The following ATXN1 variants were observed in gnomAD, a reference collection of about 807,000 sequenced individuals.
The protein encoded by ATXN1 is ataxin-1.
A neutral mutation model predicts 56.4 loss-of-function variants in ATXN1; 8 were observed. That is an observed-to-expected ratio of 0.14 (90% CI 0.08 to 0.26). The LOEUF (loss-of-function observed/expected upper bound fraction) is 0.26. Among genes scored for constraint, ATXN1 ranks in the 10% least tolerant of loss-of-function variants. The pLI is 1.00. For synonymous variants in ATXN1, 514 were observed against 494.6 expected (o/e 1.04, Z -0.52); for missense variants, 987 against 1,106.5 (o/e 0.89, Z 1.53).
chr6:16,321,180 A>G (rs1192227476), intron 7 of ATXN1, among the ~76,000 whole-genome samples: 1 of 152,112 alleles, frequency 6.6e-6, no homozygotes, highest in East Asian at 1.9e-4. Flanking sequence ...CTTCCTACCC[A>G]AGGAGGAGGT....
At chr6:16,416,106 A>AAC (rs1758901178) in intron 6 of ATXN1, among the ~76,000 whole-genome samples, 1 of 151,978 alleles carries the variant, frequency 6.6e-6, no homozygotes, top group Non-Finnish European at 1.5e-5. Context: ...AAAAAAAAAA[A>AAC]AAACCCAGGC....
At chr6:16,402,488 C>T (rs1439450163) in intron 6 of ATXN1, among the ~76,000 whole-genome samples, 1 of 151,960 alleles carries the variant, frequency 6.6e-6, no homozygotes, top group East Asian at 1.9e-4. Context: ...TTCCAGTTAA[C>T]AACACGAACA....
intron 6 of ATXN1, among the ~76,000 whole-genome samples, chr6:16,340,793 A>T (rs1761228254): frequency 6.6e-6 from 1 of 152,184 alleles, no homozygotes; most frequent in Non-Finnish European, 1.5e-5. Context: ...TGAAACAATA[A>T]TTAGGTTAAT....
chr6:16,710,765 T>G (rs1759506682), intron 2 of ATXN1, among the ~76,000 whole-genome samples: 1 of 151,658 alleles, frequency 6.6e-6, no homozygotes, highest in South Asian at 2.1e-4. Flanking sequence ...TTTTTGTATT[T>G]TTAGTAGAGA....
At chr6:16,662,178 A>G (rs1758333139) in intron 2 of ATXN1, among the ~76,000 whole-genome samples, 2 of 152,190 alleles carry the variant, frequency 1.3e-5, no homozygotes, top group South Asian at 4.1e-4. Flanking sequence ...ATCTGACTCC[A>G]GAAACCAGGT....
chr6:16,537,211 C>T (rs1761618199), intron 4 of ATXN1, among the ~76,000 whole-genome samples: 1 of 152,124 alleles, frequency 6.6e-6, no homozygotes. Context: ...AATTCCGATG[C>T]TTGACAAATT....
At chr6:16,658,435 G>A (rs902831921) in intron 2 of ATXN1, among the ~76,000 whole-genome samples, 1 of 121,964 alleles carries the variant, frequency 8.2e-6, no homozygotes, top group Admixed American at 8.5e-5. Context: ...GTAATGCATG[G>A]GTTTCCCTTG....
At chr6:16,552,062 A>C (rs1459273717) in intron 4 of ATXN1, among the ~76,000 whole-genome samples, 1 of 152,182 alleles carries the variant, frequency 6.6e-6, no homozygotes, top group Non-Finnish European at 1.5e-5. Context: ...TCGTGGGAGG[A>C]CACAGGAGGT....
chr6:16,503,366 T>C (rs1760919603), intron 5 of ATXN1, among the ~76,000 whole-genome samples: 1 of 152,212 alleles, frequency 6.6e-6, no homozygotes, highest in Non-Finnish European at 1.5e-5. Context: ...CCTGGCCTCA[T>C]GACAAGTTAC....
chr6:16,307,203 A>G (rs147976015), intron 7 of ATXN1, among the ~76,000 whole-genome samples: 30 of 152,356 alleles, frequency 2.0e-4, no homozygotes, highest in African/African-American at 5.8e-4. Flanking sequence ...AGCTTTCAGC[A>G]CCAAGCTAGG....
intron 2 of ATXN1, among the ~76,000 whole-genome samples, chr6:16,665,087 T>C (rs1758398043): frequency 6.6e-6 from 1 of 152,208 alleles, no homozygotes; most frequent in South Asian, 2.1e-4. Flanking sequence ...AATTCAGTTT[T>C]CTGTGATATG....
At chr6:16,703,614 G>A (rs1759339446) in intron 2 of ATXN1, among the ~76,000 whole-genome samples, 1 of 152,122 alleles carries the variant, frequency 6.6e-6, no homozygotes, top group African/African-American at 2.4e-5. Flanking sequence ...TGACTATACT[G>A]GGCTGTGGGG....
chr6:16,605,010 G>T (rs1056678970), intron 3 of ATXN1, among the ~76,000 whole-genome samples: 1 of 152,188 alleles, frequency 6.6e-6, no homozygotes, highest in African/African-American at 2.4e-5. Flanking sequence ...CATAACAAGA[G>T]AAAGTGTTAA....
At chr6:16,540,582 T>G (rs1334521767) in intron 4 of ATXN1, among the ~76,000 whole-genome samples, 1 of 152,170 alleles carries the variant, frequency 6.6e-6, no homozygotes, top group Non-Finnish European at 1.5e-5. Context: ...ATTGGAGTAC[T>G]GAGGCACAAG....
intron 4 of ATXN1, among the ~76,000 whole-genome samples, chr6:16,538,758 TCA>T (rs1761655186): frequency 1.3e-5 from 2 of 152,324 alleles, no homozygotes; most frequent in South Asian, 4.1e-4. Flanking sequence ...CTATCTCGGC[TCA>T]CTGCAACCTA....
At chr6:16,464,515 T>G (rs1277392014) in intron 6 of ATXN1, among the ~76,000 whole-genome samples, 1 of 152,132 alleles carries the variant, frequency 6.6e-6, no homozygotes, top group Non-Finnish European at 1.5e-5. Context: ...TGCTCACTCT[T>G]TGGGTCCATG....
chr6:16,347,159 C>T lies in ATXN1; in HGVS notation c.-160-18689G>A, dbSNP rs372064741. Among the ~76,000 whole-genome samples, 20 of 152,346 alleles carry T rather than the reference C, an allele frequency of 1.3e-4. No homozygotes were observed. In the East Asian group the frequency reaches 2.5e-3, roughly 19 times the overall value. ...GGCTCCTGTGCAGCCAGAGCCTCCC[C>T]GACGAGCGCCGCCCCCTGCTCCACA... On this transcript the variant is annotated intron_variant, in intron 6 of 7. Coordinates refer to ENST00000436367, the MANE Select transcript of ATXN1 (RefSeq NM_001128164.2).
At chr6:16,575,172 G>C (rs77254763) in intron 4 of ATXN1, among the ~76,000 whole-genome samples, 1 of 152,004 alleles carries the variant, frequency 6.6e-6, no homozygotes. Flanking sequence ...TTTTCTCCTT[G>C]TAATTACTAA....
chr6:16,312,257 G>T (rs1760410554), intron 7 of ATXN1, among the ~76,000 whole-genome samples: 1 of 152,038 alleles, frequency 6.6e-6, no homozygotes, highest in South Asian at 2.1e-4. Context: ...TCCCTCTAAA[G>T]ACTTCATAAT....
Sources: allele counts gnomAD v4.1 joint callset (sites outside exome capture counted in the v4.1 genomes callset), GRCh38; gene constraint gnomAD v4.1.1; transcripts MANE v1.5; gene names NCBI Gene and HGNC (gene_info 2026-07-23, HGNC 2026-07-21).